VAV3: variants seen among roughly 807,000 people sequenced by gnomAD.
The protein encoded by VAV3 is guanine nucleotide exchange factor VAV3.
Under a neutral mutation model 131.2 loss-of-function variants are expected in VAV3, and 94 were observed. The observed-to-expected ratio is 0.72, with a 90% CI of 0.61 to 0.85. The LOEUF (loss-of-function observed/expected upper bound fraction) is 0.85, where lower values mean the gene tolerates loss of function less well. VAV3 is among the 40% of genes least tolerant of loss of function. The pLI, the probability that VAV3 is intolerant of heterozygous loss-of-function variation, is 0.00. For missense variants in VAV3, 939 were observed against 1,002.7 expected (o/e 0.94, Z 0.86); for synonymous variants, 349 against 342.0 (o/e 1.02, Z -0.22).
Position 107,650,929 on chromosome 1 carries a change from C to T in VAV3, c.1778-8174G>A, listed in dbSNP as rs1014472485. 2.0e-5 allele frequency among the ~76,000 whole-genome samples: 3 copies of T among 151,912 alleles called. No homozygotes were observed. In the South Asian group the frequency reaches 6.2e-4, roughly 32 times the overall value. On this transcript the variant is annotated intron_variant, in intron 19 of 26. Transcript: ENST00000370056. ...TAGACTGGATTAAGAAAATGTGGCACATATACACCATGGAATACTATGCAG... is the reference window on the plus strand; with the variant it reads ...TAGACTGGATTAAGAAAATGTGGCATATATACACCATGGAATACTATGCAG...
At chr1:107,902,725 T>C (rs1671921986) in intron 1 of VAV3, among the ~76,000 whole-genome samples, 1 of 151,958 alleles carries the variant, frequency 6.6e-6, no homozygotes, top group Non-Finnish European at 1.5e-5. Context: ...TATCTATGTA[T>C]CAACAAGAGA....
intron 20 of VAV3, among the ~76,000 whole-genome samples, chr1:107,618,974 C>T (rs749853292): frequency 1.6e-4 from 24 of 152,066 alleles, no homozygotes; most frequent in South Asian, 6.2e-4. Flanking sequence ...GTCTCACTTT[C>T]GGAGTTGAGA....
rs117928741 is a variant in VAV3, at chr1:107,682,374, C to G, written c.1777+1114G>C. Among the ~76,000 whole-genome samples, 130 of 152,244 alleles carry G rather than the reference C, an allele frequency of 8.5e-4. 1 individual carries two copies. In the East Asian group the frequency reaches 0.024, roughly 28 times the overall value. ...AAATAAGACAAAAATATTATGTTCA[C>G]AGTCATATACCCCTACTGAAAATAA... On this transcript the variant is annotated intron_variant, in intron 19 of 26. Coordinates refer to ENST00000370056, the MANE Select transcript of VAV3 (RefSeq NM_006113.5).
intron 1 of VAV3, among the ~76,000 whole-genome samples, chr1:107,893,218 A>G (rs1671396326): frequency 6.6e-6 from 1 of 152,212 alleles, no homozygotes. Context: ...AGATTATATA[A>G]TAACATTTAA....
chr1:107,729,358 T>TGA (rs1327410973), intron 15 of VAV3, among the ~76,000 whole-genome samples: 5 of 152,144 alleles, frequency 3.3e-5, no homozygotes, highest in Non-Finnish European at 7.4e-5. Flanking sequence ...TGATAATAGA[T>TGA]GAGAGAATTG....
chr1:107,862,061 A>G (rs1315868935), intron 2 of VAV3, among the ~76,000 whole-genome samples: 2 of 151,680 alleles, frequency 1.3e-5, no homozygotes, highest in Non-Finnish European at 2.9e-5. Flanking sequence ...ATGTCCAAAG[A>G]GCATTATAAT....
chr1:107,681,326 A>G (rs1224725876), intron 19 of VAV3, among the ~76,000 whole-genome samples: 2 of 152,052 alleles, frequency 1.3e-5, no homozygotes, highest in East Asian at 3.8e-4. Context: ...CGCAGACTCA[A>G]CTTTACTGAT....
chr1:107,573,466 C>T (rs1649392313), intron 26 of VAV3, 94 bp from the exon 27 acceptor site: 1 of 1,468,040 alleles, frequency 6.8e-7, no homozygotes, highest in Non-Finnish European at 9.3e-7. Flanking sequence ...CATAACACCC[C>T]AATTAAACTG....
At chr1:107,616,276 T>C (rs1004590138) in intron 21 of VAV3, among the ~76,000 whole-genome samples, 1 of 152,160 alleles carries the variant, frequency 6.6e-6, no homozygotes, top group African/African-American at 2.4e-5. Context: ...AACAAGATCA[T>C]GCCCTTTGCA....
chr1:107,632,276 G>A (rs1353389638), intron 20 of VAV3, among the ~76,000 whole-genome samples: 1 of 152,098 alleles, frequency 6.6e-6, no homozygotes, highest in Non-Finnish European at 1.5e-5. Flanking sequence ...CTCAACCAAG[G>A]CCATCTGTGT....
At chr1:107,718,782 C>T (rs998569672) in intron 15 of VAV3, among the ~76,000 whole-genome samples, 1 of 152,162 alleles carries the variant, frequency 6.6e-6, no homozygotes, top group Non-Finnish European at 1.5e-5. Flanking sequence ...AATCTGGAGG[C>T]ATCACGCTAC....
intron 1 of VAV3, among the ~76,000 whole-genome samples, chr1:107,934,684 A>C (rs1673622367): frequency 1.3e-5 from 2 of 152,228 alleles, no homozygotes; most frequent in Admixed American, 6.5e-5. Context: ...GGAAACTCTT[A>C]GTTCCAAAAA....
chr1:107,814,603 C>T (rs1667484697), intron 2 of VAV3, among the ~76,000 whole-genome samples: 1 of 152,032 alleles, frequency 6.6e-6, no homozygotes, highest in Non-Finnish European at 1.5e-5. Context: ...ACTTTGTTTT[C>T]TTTGCTGTTT....
At chr1:107,736,759 C>T (rs1015794518) in intron 15 of VAV3, among the ~76,000 whole-genome samples, 50 of 151,936 alleles carry the variant, frequency 3.3e-4, no homozygotes, top group African/African-American at 1.1e-3. Context: ...GAATCAATAT[C>T]GTAAAAATGG....
At chr1:107,753,831 A>G (rs1663933874) in intron 12 of VAV3, among the ~76,000 whole-genome samples, 1 of 151,958 alleles carries the variant, frequency 6.6e-6, no homozygotes, top group Non-Finnish European at 1.5e-5. Context: ...AAGTGCTGGG[A>G]TTACATGTGT....
At chr1:107,957,063 G>A (rs1264090783) in intron 1 of VAV3, among the ~76,000 whole-genome samples, 1 of 152,168 alleles carries the variant, frequency 6.6e-6, no homozygotes, top group East Asian at 1.9e-4. Flanking sequence ...TGGGATGCAT[G>A]AAACTGAGAA....
At chr1:107,858,987 T>G (rs1669609227) in intron 2 of VAV3, among the ~76,000 whole-genome samples, 1 of 152,166 alleles carries the variant, frequency 6.6e-6, no homozygotes, top group South Asian at 2.1e-4. Context: ...GTGTTTTTGT[T>G]TTCTCTTTTT....
chr1:107,649,080 G>A (rs1655956199), intron 19 of VAV3, among the ~76,000 whole-genome samples: 1 of 151,812 alleles, frequency 6.6e-6, no homozygotes, highest in Admixed American at 6.6e-5. Flanking sequence ...CAAAAAAAAA[G>A]CAAGCACTGT....
intron 19 of VAV3, among the ~76,000 whole-genome samples, chr1:107,671,780 A>G (rs1183565860): frequency 1.3e-5 from 2 of 151,946 alleles, no homozygotes; most frequent in Admixed American, 6.6e-5. Flanking sequence ...ATTTTACCAA[A>G]AAAAACAAAA....
Sources: gnomAD v4.1 joint callset for allele counts (sites outside exome capture counted in the v4.1 genomes callset) on GRCh38, gnomAD v4.1.1 for gene constraint, MANE v1.5 for transcripts, NCBI Gene and HGNC (gene_info 2026-07-23, HGNC 2026-07-21) for gene names.